The following PBX3 variants were observed in gnomAD, a reference collection of about 807,000 sequenced individuals.
PBX3 encodes PBX homeobox 3.
PBX3 carries 14 observed loss-of-function variants against 48.5 expected under a neutral mutation model. The observed-to-expected ratio is 0.29, with a 90% CI of 0.19 to 0.45. PBX3 has a LOEUF of 0.45. Among genes scored for constraint, PBX3 ranks in the 20% least tolerant of loss-of-function variants. PBX3 has a pLI of 1.00. For missense variants in PBX3, 386 were observed against 546.7 expected (o/e 0.71, Z 2.93); for synonymous variants, 210 against 200.3 (o/e 1.05, Z -0.41).
In PBX3 at chr9:125,807,061, G is replaced by T. The variant is rs577072036; in HGVS notation, c.274+58438G>T. Among the ~76,000 whole-genome samples the T allele has an allele frequency of 2.2e-3, 332 of 152,368 alleles. 1 individual carries two copies. The highest frequency in any genetic ancestry group is 7.6e-3 in the African/African-American group (315 of 41,590). On this transcript the variant is annotated intron_variant, in intron 2 of 8. Transcript: ENST00000373489. ...ATATTAGCTGGGCACAGTGGCCCAT[G>T]CCTGTAATCCCAGTACTTTGGGAGG...
At chr9:125,924,171 T>A (rs1031915506) in intron 3 of PBX3, among the ~76,000 whole-genome samples, 5 of 152,204 alleles carry the variant, frequency 3.3e-5, no homozygotes, top group African/African-American at 1.2e-4. Flanking sequence ...TGGCCAGCCC[T>A]AATTAATTTA....
At chr9:125,814,627 C>T (rs1425518166) in intron 2 of PBX3, among the ~76,000 whole-genome samples, 3 of 152,148 alleles carry the variant, frequency 2.0e-5, no homozygotes, top group African/African-American at 4.8e-5. Context: ...CTTTTGACTG[C>T]CCAATGAATA....
intron 2 of PBX3, among the ~76,000 whole-genome samples, chr9:125,802,612 G>A (rs532432324): frequency 5.3e-5 from 8 of 151,910 alleles, no homozygotes; most frequent in African/African-American, 1.2e-4. Context: ...CAAGCCATCC[G>A]CCTGCTCAGG....
intron 2 of PBX3, among the ~76,000 whole-genome samples, chr9:125,769,360 AGGGTCTCAGGGACCACCAGG>A (rs1236366307): frequency 6.6e-6 from 1 of 152,216 alleles, no homozygotes; most frequent in Non-Finnish European, 1.5e-5. Context: ...GACTCCTGAA[AGGGTCTCAGGGACCACCAGG>A]GGTCCACGGA....
chr9:125,949,538 A>G (rs1588331437), intron 5 of PBX3: 1 of 1,421,790 alleles, frequency 7.0e-7, no homozygotes, highest in Non-Finnish European at 9.3e-7. Context: ...GTATATATAT[A>G]TATAGTATTC....
intron 2 of PBX3, among the ~76,000 whole-genome samples, chr9:125,829,841 T>C (rs1838908458): frequency 6.6e-6 from 1 of 152,214 alleles, no homozygotes; most frequent in Non-Finnish European, 1.5e-5. Context: ...TCTAGATGCC[T>C]GGCCAAGCAT....
chr9:125,844,934 C>T (rs1564135450), intron 2 of PBX3: 1 of 152,066 alleles, frequency 6.6e-6, no homozygotes, highest in African/African-American at 2.4e-5. Flanking sequence ...TGACTGTGAC[C>T]GTCCTGGATC....
intron 2 of PBX3, among the ~76,000 whole-genome samples, chr9:125,810,090 G>A (rs1277231465): frequency 4.6e-5 from 7 of 152,118 alleles, no homozygotes; most frequent in African/African-American, 1.4e-4. Context: ...TGGCTGAACT[G>A]AGCCACATAG....
chr9:125,821,223 A>T (rs1181575803), intron 2 of PBX3, among the ~76,000 whole-genome samples: 3 of 152,172 alleles, frequency 2.0e-5, no homozygotes, highest in African/African-American at 4.8e-5. Flanking sequence ...AATGTGTAAA[A>T]CATATCATAG....
chr9:125,921,106 C>T (rs1841447857), intron 3 of PBX3, among the ~76,000 whole-genome samples: 1 of 152,182 alleles, frequency 6.6e-6, no homozygotes. Context: ...TACCTGATTT[C>T]ATGTTTCAAA....
At chr9:125,779,182 A>C (rs1488852197) in intron 2 of PBX3, among the ~76,000 whole-genome samples, 1 of 141,250 alleles carries the variant, frequency 7.1e-6, no homozygotes, top group Non-Finnish European at 1.5e-5. Flanking sequence ...TGTCTGGCTT[A>C]TTCTACTCAG....
intron 3 of PBX3, among the ~76,000 whole-genome samples, chr9:125,924,343 C>A (rs1010245848): frequency 2.0e-5 from 3 of 152,198 alleles, no homozygotes; most frequent in Admixed American, 6.5e-5. Context: ...CTACAGTCAA[C>A]TGTTGTCATA....
At chr9:125,824,905 C>G (rs980077532) in intron 2 of PBX3, among the ~76,000 whole-genome samples, 2 of 152,048 alleles carry the variant, frequency 1.3e-5, no homozygotes, top group African/African-American at 4.8e-5. Context: ...TTCATTTAAT[C>G]CTTGTATCAA....
chr9:125,901,937 G>A (rs1193181728), intron 2 of PBX3, among the ~76,000 whole-genome samples: 1 of 151,670 alleles, frequency 6.6e-6, no homozygotes. Context: ...AGACCGTGAC[G>A]CACAATGTTG....
intron 2 of PBX3, among the ~76,000 whole-genome samples, chr9:125,875,926 C>T (rs1454355615): frequency 6.6e-6 from 1 of 152,124 alleles, no homozygotes; most frequent in Non-Finnish European, 1.5e-5. Context: ...TCTAAGAAGA[C>T]CTCAACCCAG....
At chr9:125,937,456 A>G (rs554430235) in intron 5 of PBX3, among the ~76,000 whole-genome samples, 42 of 152,302 alleles carry the variant, frequency 2.8e-4, no homozygotes, top group African/African-American at 1.0e-3. Flanking sequence ...ATTGCTGAGA[A>G]AAAGGTACAG....
intron 2 of PBX3, among the ~76,000 whole-genome samples, chr9:125,786,298 G>T (rs1395075129): frequency 6.6e-6 from 1 of 152,182 alleles, no homozygotes; most frequent in South Asian, 2.1e-4. Flanking sequence ...AAGATCATCA[G>T]GGAGAGTTCC....
intron 2 of PBX3, among the ~76,000 whole-genome samples, chr9:125,792,273 G>C (rs1837635692): frequency 6.6e-6 from 1 of 152,146 alleles, no homozygotes; most frequent in African/African-American, 2.4e-5. Flanking sequence ...CTTTTTGGTA[G>C]AGGAAACAGC....
At chr9:125,935,853 G>T (rs996394658) in intron 5 of PBX3, among the ~76,000 whole-genome samples, 1 of 152,134 alleles carries the variant, frequency 6.6e-6, no homozygotes, top group African/African-American at 2.4e-5. Context: ...CTCTAGAGAG[G>T]ACATAAACAT....
Sources: gnomAD v4.1 joint callset for allele counts (sites outside exome capture counted in the v4.1 genomes callset) on GRCh38, gnomAD v4.1.1 for gene constraint, MANE v1.5 for transcripts, NCBI Gene and HGNC (gene_info 2026-07-23, HGNC 2026-07-21) for gene names.